Variants in XRCC4 observed in about 807,000 individuals in gnomAD.
XRCC4 encodes the protein X-ray repair cross complementing 4.
A neutral mutation model predicts 39.1 loss-of-function variants in XRCC4; 28 were observed. The ratio of observed to expected loss-of-function variants is 0.72; its 90% CI spans 0.53 to 0.98. The LOEUF is 0.98. Among genes scored for constraint, XRCC4 ranks in the 50% least tolerant of loss-of-function variants. The pLI, the probability that XRCC4 is intolerant of heterozygous loss-of-function variation, is 0.00. For synonymous variants in XRCC4, 123 were observed against 126.4 expected, an observed-to-expected ratio of 0.97 and a Z score of 0.18; for missense variants, 350 against 376.4, an observed-to-expected ratio of 0.93 and a Z score of 0.58.
At chr5:83,309,018 G>A (rs1445437722) in intron 7 of XRCC4, among the ~76,000 whole-genome samples, 1 of 151,698 alleles carries the variant, frequency 6.6e-6, no homozygotes, top group Non-Finnish European at 1.5e-5. Context: ...GGTGGCTCAC[G>A]CCTGTAATCC....
chr5:83,271,096 G>T (rs1246562712), intron 7 of XRCC4, among the ~76,000 whole-genome samples: 1 of 152,070 alleles, frequency 6.6e-6, no homozygotes, highest in South Asian at 2.1e-4. Context: ...GAAGTTTTCT[G>T]TTGGTTGAAG....
In XRCC4 at chr5:83,083,375, A is replaced by AT. The variant is rs576959639; in HGVS notation, c.-11+5779dup. Reference sequence around the variant, plus strand: ...ACTTGATTGGGTGTTTGAATCTGTAATTTTTTTTTTTTTTTTTTTGAGATG... The same window carrying AT: ...ACTTGATTGGGTGTTTGAATCTGTAATTTTTTTTTTTTTTTTTTTTGAGATG... On this transcript the variant is annotated intron_variant, in intron 1 of 7. Coordinates refer to ENST00000396027, the MANE Select transcript of XRCC4 (RefSeq NM_003401.5). Among the ~76,000 whole-genome samples, 488 of 126,864 alleles carry AT rather than the reference A, an allele frequency of 3.8e-3. 18 individuals are homozygous for AT. Among genetic ancestry groups the AT allele is most frequent in the African/African-American group, 6.1e-3 (199 of 32,384 alleles). 83.2% of individuals were successfully genotyped at this position (126,864 alleles called of 152,430 possible).
chr5:83,266,396 A>G (rs1753955909), intron 7 of XRCC4, among the ~76,000 whole-genome samples: 1 of 151,398 alleles, frequency 6.6e-6, no homozygotes, highest in African/African-American at 2.4e-5. Flanking sequence ...TTTACCCACT[A>G]GAAATATAGA....
intron 1 of XRCC4, among the ~76,000 whole-genome samples, chr5:83,101,459 G>T (rs1253191994): frequency 1.3e-5 from 2 of 152,060 alleles, no homozygotes; most frequent in Admixed American, 1.3e-4. Flanking sequence ...TGGATTAAAA[G>T]AAAAAGAACC....
At chr5:83,202,450 C>T (rs992976621) in intron 4 of XRCC4, among the ~76,000 whole-genome samples, 2 of 152,082 alleles carry the variant, frequency 1.3e-5, no homozygotes, top group Non-Finnish European at 1.5e-5. Flanking sequence ...TCCTTTTTAT[C>T]CTATGATACG....
chr5:83,254,431 T>C (rs1174909905), intron 6 of XRCC4, among the ~76,000 whole-genome samples: 2 of 152,182 alleles, frequency 1.3e-5, no homozygotes, highest in Non-Finnish European at 2.9e-5. Context: ...TTTCCGACTC[T>C]ATTCAAGTTC....
chr5:83,284,579 T>C (rs1754670866), intron 7 of XRCC4, among the ~76,000 whole-genome samples: 1 of 152,124 alleles, frequency 6.6e-6, no homozygotes, highest in South Asian at 2.1e-4. Context: ...TTTAATGCAC[T>C]TGGGCTGTTG....
intron 3 of XRCC4, among the ~76,000 whole-genome samples, chr5:83,163,399 C>T (rs1037840354): frequency 1.2e-4 from 19 of 152,120 alleles, no homozygotes; most frequent in African/African-American, 4.1e-4. Flanking sequence ...TGATTACTGT[C>T]GATTGATATG....
At chr5:83,153,534 A>G (rs1460744809) in intron 3 of XRCC4, among the ~76,000 whole-genome samples, 3 of 152,248 alleles carry the variant, frequency 2.0e-5, no homozygotes, top group African/African-American at 7.2e-5. Flanking sequence ...CAAGGATGAT[A>G]TATAGGTGGC....
chr5:83,156,601 A>T (rs954212600), intron 3 of XRCC4, among the ~76,000 whole-genome samples: 1 of 152,092 alleles, frequency 6.6e-6, no homozygotes, highest in African/African-American at 2.4e-5. Flanking sequence ...AAGAGTACAA[A>T]CTGGGTGTAT....
At chr5:83,362,887 G>A in the XRCC4 span, among the ~76,000 whole-genome samples, 1 of 152,318 alleles carries the variant, frequency 6.6e-6, no homozygotes, top group East Asian at 1.9e-4. Context: ...ACCAACTGTG[G>A]TTAGAAGAAC....
chr5:83,312,764 G>C (rs1195389296), intron 7 of XRCC4, among the ~76,000 whole-genome samples: 1 of 152,134 alleles, frequency 6.6e-6, no homozygotes, highest in Admixed American at 6.6e-5. Flanking sequence ...GTTCATATGT[G>C]TGATTATAGT....
At chr5:83,168,000 A>G (rs1416609420) in intron 3 of XRCC4, among the ~76,000 whole-genome samples, 7 of 152,198 alleles carry the variant, frequency 4.6e-5, no homozygotes, top group Non-Finnish European at 1.0e-4. Flanking sequence ...ATTAAGCATA[A>G]TTAAATGTAA....
chr5:83,298,472 A>C (rs1755169025), intron 7 of XRCC4, among the ~76,000 whole-genome samples: 1 of 152,096 alleles, frequency 6.6e-6, no homozygotes, highest in Middle Eastern at 3.4e-3. Flanking sequence ...TTATTATAAA[A>C]TGACTCTCAG....
intron 1 of XRCC4, among the ~76,000 whole-genome samples, chr5:83,101,399 G>A (rs1427305697): frequency 6.6e-6 from 1 of 152,070 alleles, no homozygotes; most frequent in Non-Finnish European, 1.5e-5. Context: ...TGATAAATTT[G>A]AAGTCAATCT....
downstream of XRCC4, chr5:83,356,616 GT>G: frequency 6.0e-6 from 2 of 333,338 alleles, no homozygotes; most frequent in Non-Finnish European, 1.2e-5. Context: ...TGAAGACGTG[GT>G]TTTTTATATT....
At chr5:83,218,900 A>G (rs1751974331) in intron 6 of XRCC4, among the ~76,000 whole-genome samples, 2 of 152,088 alleles carry the variant, frequency 1.3e-5, no homozygotes, top group African/African-American at 2.4e-5. Context: ...TTGTATATCT[A>G]TATGAATATG....
intron 6 of XRCC4, among the ~76,000 whole-genome samples, chr5:83,242,425 A>G (rs1293526406): frequency 1.3e-5 from 2 of 151,914 alleles, no homozygotes; most frequent in African/African-American, 2.4e-5. Context: ...CTCTTGCTCT[A>G]CTTACTTCAT....
At chr5:83,342,809 A>G (rs1411526885) in intron 7 of XRCC4, among the ~76,000 whole-genome samples, 3 of 152,130 alleles carry the variant, frequency 2.0e-5, no homozygotes, top group Non-Finnish European at 4.4e-5. Context: ...TTTTTTTAAT[A>G]CTAACATTTA....
Sources: allele counts gnomAD v4.1 joint callset (sites outside exome capture counted in the v4.1 genomes callset), GRCh38; gene constraint gnomAD v4.1.1; transcripts MANE v1.5; gene names NCBI Gene and HGNC (gene_info 2026-07-23, HGNC 2026-07-21).